Variants in CRISPLD2 observed in about 807,000 individuals in gnomAD.
CRISPLD2 encodes cysteine-rich secretory protein LCCL domain-containing 2.
CRISPLD2 carries 47 observed loss-of-function variants against 71.1 expected under a neutral mutation model. The observed-to-expected ratio is 0.66, with a 90% CI of 0.52 to 0.84. CRISPLD2 has a LOEUF of 0.84. Ranked by LOEUF, CRISPLD2 falls within the 40% of genes least tolerant of loss-of-function variation. CRISPLD2 has a pLI of 0.00. For synonymous variants in CRISPLD2, 317 were observed against 250.1 expected (o/e 1.27, Z -2.52); for missense variants, 830 against 651.1 (o/e 1.27, Z -2.99).
intron 1 of CRISPLD2, among the ~76,000 whole-genome samples, chr16:84,837,149 G>C (rs1362683423): frequency 6.6e-6 from 1 of 152,200 alleles, no homozygotes; most frequent in Admixed American, 6.5e-5. Context: ...AGAGAGGAGG[G>C]GTGTGCGTGG....
intron 1 of CRISPLD2, among the ~76,000 whole-genome samples, chr16:84,831,719 A>G (rs9673668): frequency 0.069 from 10,546 of 151,830 alleles, 1,115 homozygotes; most frequent in African/African-American, 0.23. Context: ...TAGGATTTTT[A>G]TTTTTTTTAA....
intron 13 of CRISPLD2, among the ~76,000 whole-genome samples, chr16:84,883,427 C>CG (rs988861431): frequency 1.3e-5 from 2 of 152,212 alleles, no homozygotes; most frequent in African/African-American, 4.8e-5. Context: ...AGCTGAGCCA[C>CG]GGCGGTGACA....
At chr16:84,902,771 G>GTTTTTT (rs1309382593) in intron 14 of CRISPLD2, among the ~76,000 whole-genome samples, 1 of 95,662 alleles carries the variant, frequency 1.0e-5, no homozygotes, top group African/African-American at 5.6e-5. Context: ...TCGGCCCATT[G>GTTTTTT]CTTTTTTTTT....
rs372930953 is a variant in CRISPLD2 at position 84,858,371 on chromosome 16, G to T, written c.709+3542G>T. Among the ~76,000 whole-genome samples the T allele has an allele frequency of 4.3e-4, 65 of 152,258 alleles. 1 individual carries two copies. The highest frequency in any genetic ancestry group is 6.8e-3 in the Middle Eastern group (2 of 292). ...ATGTGTTGCCTCCAGAATCCTAATT[G>T]GCCCACTAGGCGTTGTGCCTCTTTC... On this transcript the variant is annotated intron_variant, in intron 6 of 14. Transcript: ENST00000262424.
In CRISPLD2 at chr16:84,850,553, A is replaced by G; in HGVS notation, c.493-15A>G. On this transcript the variant is annotated splice_polypyrimidine_tract_variant and intron_variant, in intron 4 of 14. Transcript: ENST00000262424. ...TTATCCCTCGAGCTGTGACACACAA[A>G]TGTCATCTTTTCAGATAGTTTGGGC... 11 of 1,609,966 alleles carry G rather than the reference A, an allele frequency of 6.8e-6. No individual in the cohort carries two copies. Among genetic ancestry groups the G allele is most frequent in the South Asian group, 1.1e-5 (1 of 90,982 alleles).
chr16:84,844,377 T>C (rs1478286255), intron 2 of CRISPLD2, among the ~76,000 whole-genome samples: 1 of 152,236 alleles, frequency 6.6e-6, no homozygotes, highest in African/African-American at 2.4e-5. Context: ...AAATTGACCA[T>C]TGTAACCATT....
At chr16:84,824,261 A>T (rs1292761900) in intron 1 of CRISPLD2, among the ~76,000 whole-genome samples, 2 of 152,190 alleles carry the variant, frequency 1.3e-5, no homozygotes, top group Non-Finnish European at 2.9e-5. Flanking sequence ...GGCTCAGGGC[A>T]GCAAAGGTCT....
intron 14 of CRISPLD2, among the ~76,000 whole-genome samples, chr16:84,898,165 G>A (rs111367475): frequency 5.3e-4 from 80 of 152,260 alleles, no homozygotes; most frequent in African/African-American, 1.5e-3. Context: ...CTTTCTTGCC[G>A]ATTTATTTAG....
At chr16:84,855,796 C>A (rs1241951122) in intron 6 of CRISPLD2, among the ~76,000 whole-genome samples, 1 of 152,202 alleles carries the variant, frequency 6.6e-6, no homozygotes, top group Non-Finnish European at 1.5e-5. Flanking sequence ...TAACATAATA[C>A]AACCATCCTT....
chr16:84,871,160 A>G (rs2071465600), intron 8 of CRISPLD2, among the ~76,000 whole-genome samples: 1 of 152,224 alleles, frequency 6.6e-6, no homozygotes, highest in South Asian at 2.1e-4. Context: ...TGAAGAGCTA[A>G]TGGATATGAA....
At chr16:84,868,714 C>G (rs961958918) in intron 7 of CRISPLD2, 137 bp from the exon 8 acceptor site, 1 of 719,310 alleles carries the variant, frequency 1.4e-6, no homozygotes, top group African/African-American at 1.8e-5. Flanking sequence ...AGCCTGCAAC[C>G]ATCAGGCATT....
At chr16:84,872,969 G>A in intron 9 of CRISPLD2, 23 bp from the exon 10 acceptor site, 1 of 1,595,028 alleles carries the variant, frequency 6.3e-7, no homozygotes, top group Non-Finnish European at 8.5e-7. Flanking sequence ...TGTGCCTCTG[G>A]TCTTCTCTTC....
intron 8 of CRISPLD2, among the ~76,000 whole-genome samples, chr16:84,871,466 G>C (rs1026786639): frequency 1.3e-5 from 2 of 152,118 alleles, no homozygotes; most frequent in African/African-American, 2.4e-5. Flanking sequence ...CTGAGCCCAG[G>C]AAGTTGAGGC....
At chr16:84,895,657 A>G (rs149611435) in intron 14 of CRISPLD2, among the ~76,000 whole-genome samples, 10 of 152,318 alleles carry the variant, frequency 6.6e-5, no homozygotes, top group African/African-American at 2.4e-4. Context: ...ACAGTTCCCT[A>G]GAGTGTGGGC....
chr16:84,854,015 C>G (rs1260117445), intron 5 of CRISPLD2, among the ~76,000 whole-genome samples: 1 of 152,218 alleles, frequency 6.6e-6, no homozygotes, highest in African/African-American at 2.4e-5. Context: ...TCCAGTTTTC[C>G]TGCCCCTGGG....
chr16:84,893,836 C>T (rs1267138695), intron 14 of CRISPLD2, among the ~76,000 whole-genome samples: 2 of 152,192 alleles, frequency 1.3e-5, no homozygotes, highest in African/African-American at 2.4e-5. Flanking sequence ...AGCTTATTCC[C>T]AATAGGGGCT....
chr16:84,885,434 T>C lies in CRISPLD2; in HGVS notation c.1306-3796T>C, dbSNP rs564179005. 2.0e-5 allele frequency among the ~76,000 whole-genome samples: 3 copies of C among 152,336 alleles called. No homozygotes were observed. In the South Asian group the frequency reaches 6.2e-4, roughly 32 times the overall value. ...TCCTCCAAAGGGGGAAAATGCGTCC[T>C]GGTTCAGACAGGGAGGCCGGCCATC... On this transcript the variant is annotated intron_variant, in intron 13 of 14. Coordinates refer to ENST00000262424, the MANE Select transcript of CRISPLD2 (RefSeq NM_031476.4).
At chr16:84,833,427 TC>T (rs2143156738) in intron 1 of CRISPLD2, among the ~76,000 whole-genome samples, 1 of 152,234 alleles carries the variant, frequency 6.6e-6, no homozygotes, top group East Asian at 1.9e-4. Flanking sequence ...TGTCCCGCGG[TC>T]CCTAGTGATA....
intron 6 of CRISPLD2, among the ~76,000 whole-genome samples, chr16:84,856,074 G>T (rs996353530): frequency 2.6e-5 from 4 of 152,180 alleles, no homozygotes; most frequent in Non-Finnish European, 5.9e-5. Flanking sequence ...TTCTTCTACT[G>T]CCCATTCTGT....
Sources: gnomAD v4.1 joint callset for allele counts (sites outside exome capture counted in the v4.1 genomes callset) on GRCh38, gnomAD v4.1.1 for gene constraint, MANE v1.5 for transcripts, NCBI Gene and HGNC (gene_info 2026-07-23, HGNC 2026-07-21) for gene names.